The following REDIC1 variants were observed in gnomAD, a reference collection of about 807,000 sequenced individuals.
The protein encoded by REDIC1 is regulator of DNA class I crossover intermediates 1.
the REDIC1 span, chr12:39,682,851 C>A: frequency 6.2e-7 from 1 of 1,612,150 alleles, no homozygotes; most frequent in Non-Finnish European, 8.5e-7. Context: ...ATGTATTAAA[C>A]ATAGATGAGC....
At chr12:39,628,312 T>A in the REDIC1 span, among the ~76,000 whole-genome samples, 3 of 152,146 alleles carry the variant, frequency 2.0e-5, no homozygotes, top group African/African-American at 7.2e-5. Flanking sequence ...AATGGGTGTC[T>A]CCATTTTCTA....
the REDIC1 span, chr12:39,643,998 T>A: frequency 8.6e-7 from 1 of 1,159,248 alleles, no homozygotes; most frequent in Non-Finnish European, 1.2e-6. Flanking sequence ...TTGTAATTTT[T>A]GAGCTCAAAG....
At chr12:39,888,418 T>G in the REDIC1 span, among the ~76,000 whole-genome samples, 2 of 152,100 alleles carry the variant, frequency 1.3e-5, no homozygotes, top group Non-Finnish European at 2.9e-5. Context: ...AGAGACAAGG[T>G]TTCACCATAT....
the REDIC1 span, among the ~76,000 whole-genome samples, chr12:39,708,505 C>T: frequency 6.6e-6 from 1 of 151,690 alleles, no homozygotes; most frequent in Non-Finnish European, 1.5e-5. Flanking sequence ...TTCACACTTC[C>T]AAGTTACAAA....
the REDIC1 span, among the ~76,000 whole-genome samples, chr12:39,898,799 A>C: frequency 2.2e-4 from 34 of 152,190 alleles, no homozygotes; most frequent in African/African-American, 8.0e-4. Context: ...CAGCATGAAC[A>C]AATTAAATGT....
chr12:39,847,685 G>A, the REDIC1 span, among the ~76,000 whole-genome samples: 1 of 151,888 alleles, frequency 6.6e-6, no homozygotes, highest in African/African-American at 2.4e-5. Context: ...TTACCCTTGA[G>A]TTTATTTCAC....
the REDIC1 span, among the ~76,000 whole-genome samples, chr12:39,692,712 T>C: frequency 1.3e-5 from 2 of 152,062 alleles, no homozygotes; most frequent in African/African-American, 4.8e-5. Context: ...TTACGTTGTT[T>C]TGAATATTTT....
At chr12:39,746,621 C>T in the REDIC1 span, among the ~76,000 whole-genome samples, 1 of 152,246 alleles carries the variant, frequency 6.6e-6, no homozygotes, top group Non-Finnish European at 1.5e-5. Context: ...AACGGACAGA[C>T]TGCCTCCTCA....
At chr12:39,754,265 A>G in the REDIC1 span, 1 of 152,156 alleles carries the variant, frequency 6.6e-6, no homozygotes, top group African/African-American at 2.4e-5. Context: ...GGATTGGACA[A>G]TTAAATGAGG....
chr12:39,896,284 A>G, the REDIC1 span, among the ~76,000 whole-genome samples: 2 of 129,178 alleles, frequency 1.5e-5, no homozygotes, highest in Non-Finnish European at 3.3e-5. Context: ...GTATACATGT[A>G]TGTATATGTG....
chr12:39,760,981 A>G, the REDIC1 span, among the ~76,000 whole-genome samples: 1 of 1,918 alleles, frequency 5.2e-4, no homozygotes, highest in Non-Finnish European at 1.3e-3. Context: ...CACATAATTG[A>G]ATTGCCAATT....
the REDIC1 span, among the ~76,000 whole-genome samples, chr12:39,896,321 T>TATACATATATGTATAC: frequency 1.2e-5 from 1 of 82,186 alleles, no homozygotes; most frequent in African/African-American, 5.0e-5. Flanking sequence ...TATATGTATG[T>TATACATATATGTATAC]ATATGTGTAT....
the REDIC1 span, among the ~76,000 whole-genome samples, chr12:39,634,385 T>C: frequency 6.6e-6 from 1 of 152,130 alleles, no homozygotes; most frequent in Non-Finnish European, 1.5e-5. Flanking sequence ...CCTCAAACTA[T>C]ACTACAAGGC....
the REDIC1 span, among the ~76,000 whole-genome samples, chr12:39,787,783 G>A: frequency 6.6e-6 from 1 of 152,098 alleles, no homozygotes; most frequent in Non-Finnish European, 1.5e-5. Context: ...GGAAACAGCT[G>A]GGAGACCTAC....
chr12:39,694,705 C>A, the REDIC1 span, among the ~76,000 whole-genome samples: 1 of 151,916 alleles, frequency 6.6e-6, no homozygotes, highest in Non-Finnish European at 1.5e-5. Flanking sequence ...AGTCCTAGTG[C>A]TGAACTAGGC....
the REDIC1 span, chr12:39,646,388 A>G: frequency 7.5e-6 from 11 of 1,457,440 alleles, no homozygotes; most frequent in Admixed American, 1.6e-4. Context: ...GCCCCTAAGA[A>G]AGCATAATTT....
At chr12:39,869,524 A>G in the REDIC1 span, among the ~76,000 whole-genome samples, 1 of 152,214 alleles carries the variant, frequency 6.6e-6, no homozygotes, top group African/African-American at 2.4e-5. Context: ...ATCACTGTAC[A>G]GTGTTTGTAG....
chr12:39,714,262 CATATATGT>C, the REDIC1 span, among the ~76,000 whole-genome samples: 171 of 108,354 alleles, frequency 1.6e-3, 20 homozygotes, highest in African/African-American at 4.1e-3. Context: ...TATATGCATG[CATATATGT>C]ATATATGTAT....
chr12:39,765,792 C>T, the REDIC1 span, among the ~76,000 whole-genome samples: 2 of 152,042 alleles, frequency 1.3e-5, no homozygotes, highest in East Asian at 1.9e-4. Context: ...TAGGTAAATG[C>T]GTGCTGTAGT....
Sources: allele counts gnomAD v4.1 joint callset (sites outside exome capture counted in the v4.1 genomes callset), GRCh38; gene constraint gnomAD v4.1.1; transcripts MANE v1.5; gene names NCBI Gene and HGNC (gene_info 2026-07-23, HGNC 2026-07-21).